The following CNTN4 variants were observed in gnomAD, a reference collection of about 807,000 sequenced individuals.
CNTN4 encodes the protein contactin-4.
In CNTN4, 77 loss-of-function variants were observed where a neutral mutation model predicts 122.5. The ratio of observed to expected loss-of-function variants is 0.63; its 90% CI spans 0.52 to 0.76. The LOEUF is 0.76. Among genes scored for constraint, CNTN4 ranks in the 30% least tolerant of loss-of-function variants. The probability of loss-of-function intolerance (pLI) is 0.00; values close to 1 mark genes in which losing one functional copy is unlikely to be tolerated. For synonymous variants in CNTN4, 512 were observed against 447.0 expected (o/e 1.15, Z -1.83); for missense variants, 1,256 against 1,259.1 (o/e 1.00, Z 0.04).
chr3:2,616,302 A>G (rs1006255330), intron 4 of CNTN4, among the ~76,000 whole-genome samples: 1 of 152,162 alleles, frequency 6.6e-6, no homozygotes, highest in African/African-American at 2.4e-5. Context: ...AGCTTCATCC[A>G]TGATCTCATT....
intron 8 of CNTN4, among the ~76,000 whole-genome samples, chr3:2,873,274 T>G (rs1348792835): frequency 6.6e-6 from 1 of 152,204 alleles, no homozygotes; most frequent in Admixed American, 6.5e-5. Context: ...GTCACAACTT[T>G]CTAGCCTACT....
At chr3:2,713,320 A>G (rs879800701) in intron 4 of CNTN4, among the ~76,000 whole-genome samples, 6 of 152,190 alleles carry the variant, frequency 3.9e-5, no homozygotes, top group African/African-American at 1.4e-4. Context: ...TGTGTTGATG[A>G]TTGCTGTGGT....
intron 2 of CNTN4, among the ~76,000 whole-genome samples, chr3:2,302,081 G>T (rs765270530): frequency 6.6e-6 from 1 of 152,130 alleles, no homozygotes; most frequent in Non-Finnish European, 1.5e-5. Context: ...TTTTGTGGCA[G>T]AAATTTTATG....
chr3:2,481,229 C>T (rs1334979599), intron 3 of CNTN4, among the ~76,000 whole-genome samples: 1 of 151,870 alleles, frequency 6.6e-6, no homozygotes, highest in Non-Finnish European at 1.5e-5. Flanking sequence ...CAACCTCCAC[C>T]TCCCAGGTTC....
At chr3:2,227,781 A>ATTAAATAGTAAATGAAGACCTATTT (rs1246106288) in intron 2 of CNTN4, among the ~76,000 whole-genome samples, 3 of 152,256 alleles carry the variant, frequency 2.0e-5, no homozygotes, top group African/African-American at 7.2e-5. Context: ...CAGAGAGGAG[A>ATTAAATAGTAAATGAAGACCTATTT]TTAAATAGTA....
intron 2 of CNTN4, among the ~76,000 whole-genome samples, chr3:2,188,196 C>A (rs1163672112): frequency 6.6e-6 from 1 of 152,066 alleles, no homozygotes; most frequent in East Asian, 1.9e-4. Context: ...ACTTGAGATC[C>A]TTGTTCCTCT....
rs56303805 is a variant in CNTN4, at chr3:2,575,809, C to CTTTTTTTTTTTTTTT, written c.55+4265_55+4279dup. ...TGATATATTTTGCTTTCTTCTTCTT[C>CTTTTTTTTTTTTTTT]TTTTTTTTTTTTTTTTTTTTTTTTT... On this transcript the variant is annotated intron_variant, in intron 4 of 24. Coordinates refer to ENST00000418658, the MANE Select transcript of CNTN4 (RefSeq NM_175607.3). Among the ~76,000 whole-genome samples, 9 of 101,248 alleles carry CTTTTTTTTTTTTTTT rather than the reference C, an allele frequency of 8.9e-5. 1 individual carries two copies. The highest frequency in any genetic ancestry group is 3.0e-4 in the African/African-American group (8 of 26,740). The allele number at this position is 101,248 out of a possible 152,430, so 66.4% of individuals were successfully genotyped here.
At chr3:2,870,671 C>G (rs2093774292) in intron 8 of CNTN4, among the ~76,000 whole-genome samples, 1 of 152,148 alleles carries the variant, frequency 6.6e-6, no homozygotes, top group Admixed American at 6.5e-5. Context: ...AATTTCACAT[C>G]CTCTGTCTGC....
At chr3:2,916,843 C>T (rs979719739) in intron 12 of CNTN4, among the ~76,000 whole-genome samples, 17 of 151,110 alleles carry the variant, frequency 1.1e-4, no homozygotes, top group East Asian at 2.0e-4. Flanking sequence ...AGTTCCCAGA[C>T]GGGGCAGCCA....
At chr3:2,501,068 T>C (rs1215028576) in intron 3 of CNTN4, among the ~76,000 whole-genome samples, 8 of 152,226 alleles carry the variant, frequency 5.3e-5, no homozygotes, top group Non-Finnish European at 1.2e-4. Flanking sequence ...AGTTAATACT[T>C]GAAACTTCTG....
chr3:2,937,071 T>C (rs2094573279), intron 13 of CNTN4, among the ~76,000 whole-genome samples: 1 of 152,216 alleles, frequency 6.6e-6, no homozygotes, highest in Non-Finnish European at 1.5e-5. Flanking sequence ...TTTCTGGAAA[T>C]GTGGGGTATT....
intron 6 of CNTN4, among the ~76,000 whole-genome samples, chr3:2,816,996 C>T (rs565993567): frequency 2.6e-5 from 4 of 152,214 alleles, no homozygotes; most frequent in African/African-American, 9.6e-5. Context: ...ACACATAGCT[C>T]TTGACTTAGA....
intron 4 of CNTN4, among the ~76,000 whole-genome samples, chr3:2,713,881 T>C (rs1018651927): frequency 1.3e-5 from 2 of 152,224 alleles, no homozygotes; most frequent in Non-Finnish European, 2.9e-5. Flanking sequence ...GAAAGGAACT[T>C]AAGTGTTCAC....
rs146410423 is a variant in CNTN4 at position 2,398,601 on chromosome 3, A to C, written c.-89+59368A>C. On this transcript the variant is annotated intron_variant, in intron 3 of 24. Coordinates refer to ENST00000418658, the MANE Select transcript of CNTN4 (RefSeq NM_175607.3). ...CAATACTGTGTTGAGTAGACTGTGC[A>C]TGAGATATAGGGTAGATTTAGACCT... Among the ~76,000 whole-genome samples the C allele has an allele frequency of 2.4e-3, 360 of 152,324 alleles. 1 individual carries two copies. The highest frequency in any genetic ancestry group is 0.014 in the Middle Eastern group (4 of 294).
chr3:2,683,341 C>A (rs184712250), intron 4 of CNTN4, among the ~76,000 whole-genome samples: 1 of 152,178 alleles, frequency 6.6e-6, no homozygotes, highest in African/African-American at 2.4e-5. Context: ...CACACACACA[C>A]ACACACACAC....
rs372731917 is a variant in CNTN4, at chr3:2,900,792, C to A, written c.1048C>A (p.Leu350Ile). ...NGRPKPTYKW[L>I]KNGEPLLTRD... ...AAGGCCTAAGCCTACATACAAGTGG[C>A]TAAAAAATGGCGAACCTCTGCTAAC... The change falls in exon 11 of 25, where the codon CTA becomes ATA. Residue 350 changes from leucine to isoleucine, a missense_variant. Transcript: ENST00000418658. 1.2e-6 allele frequency: 2 copies of A among 1,613,782 alleles called. No individual in the cohort carries two copies. Among genetic ancestry groups the A allele is most frequent in the Non-Finnish European group, 1.7e-6 (2 of 1,179,828 alleles).
chr3:2,575,754 T>G (rs1466295999), intron 4 of CNTN4, among the ~76,000 whole-genome samples: 8 of 151,930 alleles, frequency 5.3e-5, no homozygotes, highest in African/African-American at 1.9e-4. Flanking sequence ...GCTTGATTTC[T>G]CCTCAAAGCT....
intron 10 of CNTN4, among the ~76,000 whole-genome samples, chr3:2,895,955 C>T (rs374887724): frequency 2.0e-5 from 3 of 152,212 alleles, no homozygotes; most frequent in African/African-American, 7.2e-5. Flanking sequence ...ATGGCGTGAA[C>T]CCAGAAGGCA....
chr3:2,503,775 T>G (rs1372386187), intron 3 of CNTN4, among the ~76,000 whole-genome samples: 1 of 152,042 alleles, frequency 6.6e-6, no homozygotes, highest in Non-Finnish European at 1.5e-5. Flanking sequence ...AAAAATAGCA[T>G]GGATTTTTCA....
Sources: allele counts gnomAD v4.1 joint callset (sites outside exome capture counted in the v4.1 genomes callset), GRCh38; gene constraint gnomAD v4.1.1; transcripts MANE v1.5; gene names NCBI Gene and HGNC (gene_info 2026-07-23, HGNC 2026-07-21).